INPP4B: variants seen among roughly 807,000 people sequenced by gnomAD.
INPP4B encodes inositol polyphosphate 4-phosphatase type II.
INPP4B carries 55 observed loss-of-function variants against 122.5 expected under a neutral mutation model. The ratio of observed to expected loss-of-function variants is 0.45; its 90% CI spans 0.36 to 0.56. The LOEUF (loss-of-function observed/expected upper bound fraction) is 0.56. Among genes scored for constraint, INPP4B ranks in the 20% least tolerant of loss-of-function variants. The pLI is 0.00. For missense variants in INPP4B, 1,000 were observed against 1,097.7 expected (o/e 0.91, Z 1.26); for synonymous variants, 403 against 388.7 (o/e 1.04, Z -0.43).
chr4:142,192,354 A>AAAAAAAAAAAAAAAAG (rs148371542), intron 15 of INPP4B, among the ~76,000 whole-genome samples: 864 of 73,084 alleles, frequency 0.012, 131 homozygotes, highest in Non-Finnish European at 0.018. Context: ...AAAAAAAAAA[A>AAAAAAAAAAAAAAAAG]TGGGATTCTT....
intron 2 of INPP4B, among the ~76,000 whole-genome samples, chr4:142,605,840 C>A (rs1741132932): frequency 1.3e-5 from 2 of 151,892 alleles, no homozygotes; most frequent in South Asian, 4.2e-4. Flanking sequence ...AAACAGTATG[C>A]AGATTTCTCA....
chr4:142,346,553 G>A (rs1410628360), intron 7 of INPP4B, among the ~76,000 whole-genome samples: 1 of 151,878 alleles, frequency 6.6e-6, no homozygotes, highest in Non-Finnish European at 1.5e-5. Context: ...TACTATCTAG[G>A]TGAACAATGA....
intron 3 of INPP4B, among the ~76,000 whole-genome samples, chr4:142,437,483 G>A (rs1172732225): frequency 6.6e-6 from 1 of 151,904 alleles, no homozygotes; most frequent in Non-Finnish European, 1.5e-5. Flanking sequence ...CGACATGAAG[G>A]AAAAAATATT....
At chr4:142,392,402 T>C (rs1276049498) in intron 7 of INPP4B, among the ~76,000 whole-genome samples, 4 of 152,206 alleles carry the variant, frequency 2.6e-5, no homozygotes, top group Non-Finnish European at 5.9e-5. Flanking sequence ...TACTTTTATT[T>C]GTGAAGGATT....
intron 7 of INPP4B, among the ~76,000 whole-genome samples, chr4:142,332,730 C>A (rs1318732712): frequency 6.6e-6 from 1 of 151,598 alleles, no homozygotes; most frequent in Non-Finnish European, 1.5e-5. Context: ...TGGGGCCCTG[C>A]GCAGTGGCTC....
intron 7 of INPP4B, among the ~76,000 whole-genome samples, chr4:142,396,224 C>A (rs556033660): frequency 8.5e-5 from 13 of 152,158 alleles, no homozygotes; most frequent in African/African-American, 3.1e-4. Context: ...ACAACAAAAG[C>A]ACTTGTATCC....
chr4:142,654,884 C>G (rs576826774), intron 2 of INPP4B, among the ~76,000 whole-genome samples: 41 of 152,100 alleles, frequency 2.7e-4, no homozygotes, highest in Non-Finnish European at 5.4e-4. Flanking sequence ...ACACAAATAC[C>G]CAAGCCAGTC....
chr4:142,767,638 A>G (rs77511384), intron 1 of INPP4B: 82 of 152,278 alleles, frequency 5.4e-4, no homozygotes, highest in African/African-American at 1.9e-3. Context: ...TCTTGGATGC[A>G]GGTATTTGGC....
chr4:142,419,257 G>A (rs1806381708), intron 5 of INPP4B, among the ~76,000 whole-genome samples: 1 of 152,100 alleles, frequency 6.6e-6, no homozygotes, highest in South Asian at 2.1e-4. Flanking sequence ...GTTGAATATG[G>A]AAGTAGAAAG....
intron 25 of INPP4B, among the ~76,000 whole-genome samples, chr4:142,038,943 A>G (rs1046715568): frequency 2.0e-5 from 3 of 152,164 alleles, no homozygotes; most frequent in African/African-American, 7.2e-5. Context: ...TTGATTGAGT[A>G]GCAGATCAGG....
chr4:142,650,127 G>C (rs927822841), intron 2 of INPP4B, among the ~76,000 whole-genome samples: 2 of 152,174 alleles, frequency 1.3e-5, no homozygotes, highest in Admixed American at 1.3e-4. Context: ...AGCTTCATAA[G>C]AGAAGGAGAA....
At chr4:142,252,865 T>C (rs1198427509) in intron 11 of INPP4B, among the ~76,000 whole-genome samples, 3 of 152,206 alleles carry the variant, frequency 2.0e-5, no homozygotes, top group African/African-American at 7.2e-5. Flanking sequence ...AAATTTATAG[T>C]CGTGTAGTTT....
rs146006471 is a variant in INPP4B, at chr4:142,352,859, A to G, written c.373-38097T>C. Among the ~76,000 whole-genome samples, 311 of 152,134 alleles carry G rather than the reference A, an allele frequency of 2.0e-3. 1 individual carries two copies. The highest frequency in any genetic ancestry group is 4.0e-3 in the Admixed American group (61 of 15,270). ...GTTGTGTAGGAGGCAATATCCTATA[A>G]AAGTCACATGCTACGTTATCCATGG... On this transcript the variant is annotated intron_variant, in intron 7 of 25. Transcript: ENST00000262992.
chr4:142,417,543 A>G (rs888435552), intron 5 of INPP4B, among the ~76,000 whole-genome samples: 5 of 152,266 alleles, frequency 3.3e-5, no homozygotes, highest in East Asian at 3.9e-4. Context: ...ATACTTCTCA[A>G]TTTCATCTAT....
At chr4:142,443,027 C>A (rs1346864907) in intron 3 of INPP4B, among the ~76,000 whole-genome samples, 2 of 152,018 alleles carry the variant, frequency 1.3e-5, no homozygotes, top group Admixed American at 1.3e-4. Flanking sequence ...GAAACTGACC[C>A]CATGATTCAA....
At chr4:142,415,637 G>C (rs1805560146) in intron 5 of INPP4B, among the ~76,000 whole-genome samples, 1 of 152,010 alleles carries the variant, frequency 6.6e-6, no homozygotes, top group South Asian at 2.1e-4. Context: ...ATTTGACCCA[G>C]CAATCCCATT....
At chr4:142,132,093 T>C (rs372048599) in intron 18 of INPP4B, among the ~76,000 whole-genome samples, 183 of 152,366 alleles carry the variant, frequency 1.2e-3, no homozygotes, top group Non-Finnish European at 2.0e-3. Flanking sequence ...TTTTTCGATG[T>C]AATTATGAAT....
At chr4:142,174,572 T>C (rs140525398) in intron 15 of INPP4B, among the ~76,000 whole-genome samples, 1 of 152,216 alleles carries the variant, frequency 6.6e-6, no homozygotes, top group East Asian at 1.9e-4. Context: ...CTTCTTATGG[T>C]TTTCCATTTA....
chr4:142,039,172 A>G (rs1745779958), intron 25 of INPP4B, among the ~76,000 whole-genome samples: 2 of 152,154 alleles, frequency 1.3e-5, no homozygotes, highest in South Asian at 2.1e-4. Flanking sequence ...CCAGAGATGC[A>G]TATTTTTTCT....
Sources: allele counts gnomAD v4.1 joint callset (sites outside exome capture counted in the v4.1 genomes callset), GRCh38; gene constraint gnomAD v4.1.1; transcripts MANE v1.5; gene names NCBI Gene and HGNC (gene_info 2026-07-23, HGNC 2026-07-21).